CPNE8: variants seen among roughly 807,000 people sequenced by gnomAD.
CPNE8 encodes the protein copine 8, also known as copine-8.
Under a neutral mutation model 81.5 loss-of-function variants are expected in CPNE8, and 45 were observed. The observed-to-expected ratio is 0.55, with a 90% confidence interval of 0.44 to 0.71. The LOEUF (loss-of-function observed/expected upper bound fraction) is 0.71. Among genes scored for constraint, CPNE8 ranks in the 30% least tolerant of loss-of-function variants. The pLI is 0.00. For missense variants in CPNE8, 594 were observed against 672.1 expected (o/e 0.88, Z 1.28); for synonymous variants, 252 against 226.3 (o/e 1.11, Z -1.02).
At chr12:38,833,242 A>G (rs1943320315) in intron 5 of CPNE8, among the ~76,000 whole-genome samples, 1 of 151,100 alleles carries the variant, frequency 6.6e-6, no homozygotes, top group Admixed American at 6.6e-5. Context: ...AATCCCAACT[A>G]CTTGGGAGGC....
chr12:38,677,480 A>G lies in CPNE8; in HGVS notation c.1346T>C (p.Met449Thr), dbSNP rs1177002777. 1 of 1,611,016 alleles carries G rather than the reference A, an allele frequency of 6.2e-7. No individual in the cohort carries two copies. The highest frequency in any genetic ancestry group is 2.2e-5 in the East Asian group (1 of 44,808). ...LIVTDGVISD[M>T]AQTKESIVNA... ...AACTATGGACTCCTTAGTCTGGGCC[A>G]TATCTGAGATAACACCATCTGTAAC... The change falls in exon 17 of 20, where the codon ATG becomes ACG. Residue 449 changes from methionine to threonine, a missense_variant. By Grantham distance (81) the Met-to-Thr change is moderately conservative. Transcript: ENST00000331366.
intron 6 of CPNE8, among the ~76,000 whole-genome samples, chr12:38,777,557 C>T (rs1454369010): frequency 6.6e-6 from 1 of 152,144 alleles, no homozygotes; most frequent in Non-Finnish European, 1.5e-5. Flanking sequence ...CATTCACTCA[C>T]CACTCACTTA....
chr12:38,689,792 G>C (rs530654711), intron 15 of CPNE8, among the ~76,000 whole-genome samples: 20 of 152,180 alleles, frequency 1.3e-4, no homozygotes, highest in Non-Finnish European at 2.4e-4. Flanking sequence ...CTGGCCACAA[G>C]CTCATTAGAA....
intron 17 of CPNE8, 86 bp from the exon 18 acceptor site, chr12:38,675,860 T>G: frequency 1.1e-6 from 1 of 894,032 alleles, no homozygotes; most frequent in East Asian, 2.5e-5. Context: ...TATCTCACTC[T>G]TGAAATCCCA....
chr12:38,902,291 G>GA lies in CPNE8; in HGVS notation c.98+3145dup, dbSNP rs1263396660. Among the ~76,000 whole-genome samples, 11 of 130,656 alleles carry GA rather than the reference G, an allele frequency of 8.4e-5. 1 individual carries two copies. The highest frequency in any genetic ancestry group is 2.5e-4 in the South Asian group (1 of 3,988). 85.7% of individuals were successfully genotyped at this position (130,656 alleles called of 152,430 possible). ...AAGAAAAAGAAAAGAAAGAAGGAAG[G>GA]AAGGAAAGGAAGGAAGGAAGGAAGG... On this transcript the variant is annotated intron_variant, in intron 1 of 19. Coordinates refer to ENST00000331366, the MANE Select transcript of CPNE8 (RefSeq NM_153634.3).
At chr12:38,805,532 G>C (rs1412022032) in intron 6 of CPNE8, among the ~76,000 whole-genome samples, 1 of 109,918 alleles carries the variant, frequency 9.1e-6, no homozygotes, top group Non-Finnish European at 1.9e-5. Flanking sequence ...GATGGGGGAG[G>C]GATAGCATTG....
intron 13 of CPNE8, among the ~76,000 whole-genome samples, chr12:38,703,867 T>C (rs1374795957): frequency 2.0e-5 from 3 of 151,858 alleles, no homozygotes; most frequent in South Asian, 2.1e-4. Context: ...CACACACAAA[T>C]ATCTAGAATA....
chr12:38,694,398 A>C (rs925064341), intron 14 of CPNE8, among the ~76,000 whole-genome samples: 1 of 152,236 alleles, frequency 6.6e-6, no homozygotes. Flanking sequence ...ACATTAAGCT[A>C]GGAGCCAGAG....
chr12:38,761,091 T>G (rs999381186), intron 9 of CPNE8, among the ~76,000 whole-genome samples: 5 of 152,242 alleles, frequency 3.3e-5, no homozygotes, highest in Non-Finnish European at 5.9e-5. Flanking sequence ...TCTTCATTGA[T>G]TCCTTAAAGA....
At chr12:38,895,948 C>A (rs561090571) in intron 1 of CPNE8, among the ~76,000 whole-genome samples, 1 of 152,198 alleles carries the variant, frequency 6.6e-6, no homozygotes, top group East Asian at 1.9e-4. Flanking sequence ...CTTATACTCT[C>A]TCTAAACCTC....
chr12:38,774,238 C>T lies in CPNE8; in HGVS notation c.471+2000G>A, dbSNP rs146007851. Among the ~76,000 whole-genome samples the T allele has an allele frequency of 3.7e-3, 566 of 152,178 alleles. 5 individuals are homozygous for T. Among genetic ancestry groups the T allele is most frequent in the African/African-American group, 0.013 (554 of 41,554 alleles). ...CTACTTTGAAATAGAACAGATAGTA[C>T]TGTATTCATGACACATTTACATAAA... On this transcript the variant is annotated intron_variant, in intron 7 of 19. Transcript: ENST00000331366.
chr12:38,686,137 A>G (rs1370420693), intron 15 of CPNE8, among the ~76,000 whole-genome samples: 1 of 152,208 alleles, frequency 6.6e-6, no homozygotes, highest in Non-Finnish European at 1.5e-5. Context: ...AAACAATTTT[A>G]CCTGACAGCA....
intron 8 of CPNE8, among the ~76,000 whole-genome samples, chr12:38,764,478 G>A (rs1303287971): frequency 1.3e-5 from 2 of 149,812 alleles, no homozygotes; most frequent in Admixed American, 6.6e-5. Flanking sequence ...TTAGCCGGGC[G>A]TAGTGGCGGG....
chr12:38,755,203 T>C (rs1941431674), intron 10 of CPNE8, among the ~76,000 whole-genome samples: 1 of 152,180 alleles, frequency 6.6e-6, no homozygotes, highest in African/African-American at 2.4e-5. Context: ...ATAAATATCA[T>C]TATTGAAATG....
intron 19 of CPNE8, 114 bp from the exon 20 acceptor site, chr12:38,654,184 T>C: frequency 7.7e-7 from 1 of 1,300,084 alleles, no homozygotes; most frequent in Non-Finnish European, 1.0e-6. Flanking sequence ...AATCTGAGAG[T>C]AATGGAGAGA....
intron 6 of CPNE8, among the ~76,000 whole-genome samples, chr12:38,778,494 GTTCACTCCCATGCCTTGATAAACTATA>G (rs1350730569): frequency 1.3e-5 from 2 of 151,988 alleles, no homozygotes; most frequent in Non-Finnish European, 2.9e-5. Context: ...TCTTCTTTGT[GTTCACTCCCATGCCTTGATAAACTATA>G]GCTTGTTAAC....
intron 1 of CPNE8, among the ~76,000 whole-genome samples, chr12:38,891,689 C>T (rs1432534326): frequency 1.3e-5 from 2 of 152,154 alleles, no homozygotes; most frequent in Non-Finnish European, 1.5e-5. Flanking sequence ...TCATGTGATC[C>T]GTCCGCCTCG....
intron 15 of CPNE8, 181 bp from the exon 16 acceptor site, chr12:38,685,798 T>C (rs1332919541): frequency 4.0e-6 from 2 of 499,910 alleles, no homozygotes; most frequent in Non-Finnish European, 7.1e-6. Context: ...CAATCGATTA[T>C]GATATATTAT....
At chr12:38,688,311 C>T (rs1939581274) in intron 15 of CPNE8, among the ~76,000 whole-genome samples, 1 of 152,064 alleles carries the variant, frequency 6.6e-6, no homozygotes, top group Non-Finnish European at 1.5e-5. Flanking sequence ...TTAGTCCTAC[C>T]ATAATAAGTT....
Sources: gnomAD v4.1 joint callset for allele counts (sites outside exome capture counted in the v4.1 genomes callset) on GRCh38, gnomAD v4.1.1 for gene constraint, MANE v1.5 for transcripts, NCBI Gene and HGNC (gene_info 2026-07-23, HGNC 2026-07-21) for gene names.